The following STS variants were observed in gnomAD, a reference collection of about 807,000 sequenced individuals.
STS encodes steryl-sulfatase.
Under a neutral mutation model 26.8 loss-of-function variants are expected in STS, and 7 were observed. The ratio of observed to expected loss-of-function variants is 0.26; its 90% CI spans 0.15 to 0.49. The LOEUF (loss-of-function observed/expected upper bound fraction) is 0.49, where lower values mean the gene tolerates loss of function less well. STS is among the 20% of genes least tolerant of loss of function. STS has a pLI of 0.98. For missense variants in STS, 434 were observed against 465.6 expected (o/e 0.93, Z 0.63); for synonymous variants, 199 against 189.4 (o/e 1.05, Z -0.42).
chrX:7,174,880 C>G (rs1933535463), intron 1 of STS, among the ~76,000 whole-genome samples: 1 of 111,329 alleles, frequency 9.0e-6, no homozygotes, highest in African/African-American at 3.3e-5. Flanking sequence ...CCCCACCTGG[C>G]TTCACAAAGC....
At position 7,254,577 on chromosome X, in the gene STS, CT is replaced by C. The variant is rs34965003; in HGVS notation, c.137+1263del. On this transcript the variant is annotated intron_variant, in intron 3 of 10. Transcript: ENST00000674429. ...CTTTCTTTTTTCTTTTTTTCTTCTT[CT>C]TTTTTTTTTTTTTTTTTTTTTGAGA... is the stretch of plus-strand genomic sequence containing the variant. Among the ~76,000 whole-genome samples the C allele has an allele frequency of 8.1e-3, 589 of 73,049 alleles. 3 individuals carry two copies. The highest frequency in any genetic ancestry group is 0.022 in the African/African-American group (418 of 18,907). 63.4% of individuals were successfully genotyped at this position (73,049 alleles called of 115,157 possible). A position where few individuals can be genotyped will look rare whatever the true frequency, so the allele number is the denominator to read the frequency against.
chrX:7,279,339 A>ATGTG (rs1199607828), intron 7 of STS, among the ~76,000 whole-genome samples: 3 of 42,323 alleles, frequency 7.1e-5, no homozygotes, highest in African/African-American at 1.6e-4. Context: ...GTGTGTGTGT[A>ATGTG]TGTGTGTGTG....
At chrX:7,239,095 G>A (rs1354373149) in intron 2 of STS, among the ~76,000 whole-genome samples, 38 of 111,295 alleles carry the variant, frequency 3.4e-4, no homozygotes, top group African/African-American at 1.1e-3. Context: ...AATGCACCAG[G>A]TACTGTTGTA....
Position 7,325,357 on chromosome X carries a change from G to C in STS, c.1100G>C (p.Trp367Ser), listed in dbSNP as rs137853168. 1.7e-6 allele frequency: 2 copies of C among 1,211,315 alleles called. No individual in the cohort carries two copies. The highest frequency in any genetic ancestry group is 2.2e-6 in the Non-Finnish European group (2 of 895,281). The change falls in exon 9 of 11, where the codon TGG (tryptophan) becomes TCG (serine). Residue 367 changes from tryptophan to serine, a missense_variant. Trp to Ser is a radical substitution (Grantham distance 177). Around this residue, in one of 2 missense-constraint regions of STS, gnomAD observed 205 missense variants for 177.3 expected, o/e 1.16. Coordinates refer to ENST00000674429, the MANE Select transcript of STS (RefSeq NM_001320752.2). ...GIYKGGKANN[W>S]EGGIRVPGIL... ...CTTTTAGGAGGAAAAGCAAACAACT[G>C]GGAAGGAGGTATCCGGGTTCCAGGC...
chrX:7,204,745 CCTTT>C lies in STS; in HGVS notation c.-5+13741_-5+13744del, dbSNP rs1441826515. 3.9e-5 allele frequency among the ~76,000 whole-genome samples: 4 copies of C among 102,944 alleles called. No homozygotes were observed. The South Asian group carries it at 1.4e-3, about 37-fold the overall frequency. The allele number at this position is 102,944 out of a possible 115,157, so 89.4% of individuals were successfully genotyped here. A position where few individuals can be genotyped will look rare whatever the true frequency, so the allele number is the denominator to read the frequency against. On this transcript the variant is annotated intron_variant, in intron 2 of 10. Transcript: ENST00000674429. ...TCCTTCCTTCCTTCCCTTCTTTCTT[CCTTT>C]CTTCCCTCTCTCTCCCTCCTTTCTC...
chrX:7,261,373 G>A (rs1171570904), intron 6 of STS, among the ~76,000 whole-genome samples: 1 of 112,085 alleles, frequency 8.9e-6, no homozygotes, highest in Non-Finnish European at 1.9e-5. Context: ...CAATGAAAAG[G>A]AAGTTATTGT....
At chrX:7,164,507 G>A (rs1347562035) in intron 1 of STS, among the ~76,000 whole-genome samples, 1 of 110,365 alleles carries the variant, frequency 9.1e-6, no homozygotes, top group Non-Finnish European at 1.9e-5. Flanking sequence ...CAGAAAAGCT[G>A]GGCAGAATAG....
chrX:7,192,198 A>T (rs1280331103), intron 2 of STS, among the ~76,000 whole-genome samples: 1 of 111,794 alleles, frequency 8.9e-6, no homozygotes, highest in East Asian at 2.8e-4. Flanking sequence ...ATTCCATCCC[A>T]CCCCATGCTG....
At chrX:7,305,828 G>A (rs1172068967) in intron 8 of STS, among the ~76,000 whole-genome samples, 1 of 111,509 alleles carries the variant, frequency 9.0e-6, no homozygotes, top group African/African-American at 3.3e-5. Context: ...TTGAGATTAC[G>A]TTCGGCCCAC....
At position 7,352,118 on chromosome X, in the gene STS, G is replaced by A. The variant is rs1453038325; in HGVS notation, c.*1857G>A. 1.8e-5 allele frequency: 2 copies of A among 111,263 alleles called. No homozygotes were observed. The highest frequency in any genetic ancestry group is 9.6e-5 in the Admixed American group (1 of 10,379). The allele number at this position is 111,263 out of a possible 1,213,427, so 9.2% of individuals were successfully genotyped here. ...TTCTTAGAGAGGGTACTAGCTTACTGATGATGTGTTAGGATTGCTACTGAT... is the reference window on the plus strand; with the variant it reads ...TTCTTAGAGAGGGTACTAGCTTACTAATGATGTGTTAGGATTGCTACTGAT... On this transcript the variant is annotated 3_prime_UTR_variant, in exon 11 of 11. Coordinates refer to ENST00000674429, the MANE Select transcript of STS (RefSeq NM_001320752.2).
At chrX:7,326,393 C>T (rs898476754) in intron 9 of STS, among the ~76,000 whole-genome samples, 3 of 111,568 alleles carry the variant, frequency 2.7e-5, no homozygotes, top group African/African-American at 9.8e-5. Flanking sequence ...ACGCTCTTCT[C>T]GTCTGTTCAC....
chrX:7,192,494 G>A (rs944291110), intron 2 of STS, among the ~76,000 whole-genome samples: 18 of 110,018 alleles, frequency 1.6e-4, no homozygotes, highest in African/African-American at 5.6e-4. Context: ...AACCCCGGGG[G>A]CAGAGGTTGC....
At chrX:7,296,020 A>C (rs1337206635) in intron 7 of STS, among the ~76,000 whole-genome samples, 1 of 111,751 alleles carries the variant, frequency 8.9e-6, no homozygotes, top group Non-Finnish European at 1.9e-5. Context: ...GGTGTGGTAG[A>C]GCATCATAAA....
chrX:7,172,882 TA>T (rs1178532467), intron 1 of STS, among the ~76,000 whole-genome samples: 1 of 112,076 alleles, frequency 8.9e-6, no homozygotes, highest in Non-Finnish European at 1.9e-5. Flanking sequence ...CTTGCCCAGC[TA>T]AAAACTTAAT....
intron 5 of STS, among the ~76,000 whole-genome samples, chrX:7,258,127 TA>T (rs1569203991): frequency 1.0e-4 from 11 of 105,026 alleles, no homozygotes; most frequent in Admixed American, 5.2e-4. Context: ...GATAGATAGA[TA>T]GATAGATAGA....
intron 2 of STS, among the ~76,000 whole-genome samples, chrX:7,192,499 G>A (rs1326443379): frequency 9.0e-6 from 1 of 110,509 alleles, no homozygotes; most frequent in Non-Finnish European, 1.9e-5. Flanking sequence ...CGGGGGCAGA[G>A]GTTGCAGTGA....
chrX:7,325,255 T>C (rs1282170975), intron 8 of STS, 84 bp from the exon 9 acceptor site: 24 of 1,033,422 alleles, frequency 2.3e-5, no homozygotes, highest in African/African-American at 7.5e-5. Context: ...TTCTTCTACA[T>C]TGAGCACGAA....
At chrX:7,273,786 A>G (rs967329635) in intron 6 of STS, among the ~76,000 whole-genome samples, 7 of 110,767 alleles carry the variant, frequency 6.3e-5, no homozygotes. Context: ...TATTAAAAAA[A>G]AAAGAAATTG....
chrX:7,343,779 T>A (rs1307254294), intron 10 of STS, among the ~76,000 whole-genome samples: 7 of 112,034 alleles, frequency 6.2e-5, no homozygotes, highest in Admixed American at 2.8e-4. Flanking sequence ...CTCCCGGGAC[T>A]CCTCTGTCTA....
Sources: allele counts gnomAD v4.1 joint callset (sites outside exome capture counted in the v4.1 genomes callset), GRCh38; gene constraint gnomAD v4.1.1; regional missense constraint gnomAD v4.1.1; transcripts MANE v1.5; gene names NCBI Gene and HGNC (gene_info 2026-07-23, HGNC 2026-07-21).